DOK6: variants seen among roughly 807,000 people sequenced by gnomAD.
DOK6 encodes downstream of tyrosine kinase 6.
A neutral mutation model predicts 44.0 loss-of-function variants in DOK6; 22 were observed. The ratio of observed to expected loss-of-function variants is 0.50; its 90% CI spans 0.36 to 0.71. The LOEUF (loss-of-function observed/expected upper bound fraction) is 0.71. Among genes scored for constraint, DOK6 ranks in the 30% least tolerant of loss-of-function variants. DOK6 has a pLI of 0.00. For synonymous variants in DOK6, 166 were observed against 145.5 expected, an observed-to-expected ratio of 1.14 and a Z score of -1.01; for missense variants, 340 against 416.4, an observed-to-expected ratio of 0.82 and a Z score of 1.60.
intron 1 of DOK6, among the ~76,000 whole-genome samples, chr18:69,480,485 T>A (rs1980387494): frequency 6.6e-6 from 1 of 152,176 alleles, no homozygotes; most frequent in East Asian, 1.9e-4. Context: ...ATTTCTAAAA[T>A]ATACCTAAAA....
At chr18:69,780,298 A>G (rs1243068043) in intron 7 of DOK6, among the ~76,000 whole-genome samples, 2 of 152,104 alleles carry the variant, frequency 1.3e-5, no homozygotes, top group Non-Finnish European at 2.9e-5. Flanking sequence ...ATATTTTCCT[A>G]TTTGAAACAT....
chr18:69,523,873 A>C (rs879761297), intron 1 of DOK6, among the ~76,000 whole-genome samples: 4 of 152,038 alleles, frequency 2.6e-5, no homozygotes, highest in African/African-American at 4.8e-5. Context: ...CAGAGAATGC[A>C]TGAACATCAT....
intron 3 of DOK6, among the ~76,000 whole-genome samples, chr18:69,649,188 C>T (rs1985158423): frequency 6.6e-6 from 1 of 152,134 alleles, no homozygotes; most frequent in Non-Finnish European, 1.5e-5. Context: ...ATCACTAATC[C>T]AATTTAAAAG....
At position 69,413,726 on chromosome 18, in the gene DOK6, AAAAGG is replaced by A. The variant is rs535823515; in HGVS notation, c.66+12420_66+12424del. Among the ~76,000 whole-genome samples the A allele has an allele frequency of 2.7e-4, 41 of 152,146 alleles. 1 individual carries two copies. The South Asian group carries it at 5.0e-3, about 18-fold the overall frequency. Reference sequence around the variant, plus strand: ...ACTTGACAACAAAATCATGATCCATAAAAGGAAATATTGACAATTTCATCTTATTG... The same window carrying A: ...ACTTGACAACAAAATCATGATCCATAAAATATTGACAATTTCATCTTATTG... On this transcript the variant is annotated intron_variant, in intron 1 of 7. Coordinates refer to ENST00000382713, the MANE Select transcript of DOK6 (RefSeq NM_152721.6).
chr18:69,841,527 ACTGGAGTT>A lies in DOK6; in HGVS notation c.*148_*155del. The A allele has an allele frequency of 8.8e-7, 1 of 1,130,586 alleles. No homozygotes were observed. Among genetic ancestry groups the A allele is most frequent in the East Asian group, 2.6e-5 (1 of 38,186 alleles). The allele number at this position is 1,130,586 out of a possible 1,614,324, so 70.0% of individuals were successfully genotyped here. A position where few individuals can be genotyped will look rare whatever the true frequency, so the allele number is the denominator to read the frequency against. On this transcript the variant is annotated 3_prime_UTR_variant, in exon 8 of 8. Transcript: ENST00000382713. ...CCCCAGTCCCATTGGAAGGTTAAAA[ACTGGAGTT>A]CTGCTTCCTTGATTCAGTGGCTAAG...
chr18:69,716,527 C>T (rs192010339), intron 5 of DOK6, among the ~76,000 whole-genome samples: 1 of 152,094 alleles, frequency 6.6e-6, no homozygotes, highest in Admixed American at 6.6e-5. Context: ...TTCATTTGTA[C>T]AGGTTCTCTT....
At chr18:69,629,432 A>C (rs1984639314) in intron 3 of DOK6, among the ~76,000 whole-genome samples, 1 of 152,210 alleles carries the variant, frequency 6.6e-6, no homozygotes, top group Non-Finnish European at 1.5e-5. Flanking sequence ...ATGGTGTCTA[A>C]TTAAAAGAGC....
chr18:69,459,344 T>C (rs1979725847), intron 1 of DOK6, among the ~76,000 whole-genome samples: 1 of 152,056 alleles, frequency 6.6e-6, no homozygotes, highest in African/African-American at 2.4e-5. Flanking sequence ...TAATATTATG[T>C]GCTTGTTTCT....
chr18:69,817,872 A>C (rs1981446445), intron 7 of DOK6, among the ~76,000 whole-genome samples: 1 of 152,206 alleles, frequency 6.6e-6, no homozygotes, highest in African/African-American at 2.4e-5. Context: ...CATCTCAGAG[A>C]AACTGCCTGG....
chr18:69,489,625 A>G (rs1325835448), intron 1 of DOK6, among the ~76,000 whole-genome samples: 3 of 152,126 alleles, frequency 2.0e-5, no homozygotes, highest in African/African-American at 7.2e-5. Context: ...TTACTATTTT[A>G]CTTCATTTAG....
At chr18:69,692,113 C>T (rs180761604) in intron 4 of DOK6, among the ~76,000 whole-genome samples, 75 of 152,188 alleles carry the variant, frequency 4.9e-4, no homozygotes, top group African/African-American at 1.6e-3. Flanking sequence ...GGGGAGTCAC[C>T]GTGGAAAGAC....
intron 3 of DOK6, among the ~76,000 whole-genome samples, chr18:69,653,872 A>G (rs1985294947): frequency 6.6e-6 from 1 of 152,204 alleles, no homozygotes; most frequent in South Asian, 2.1e-4. Flanking sequence ...TGTTTCAAAC[A>G]AGCATTCAAT....
rs199902396 is a variant in DOK6, at chr18:69,809,604, GA to G, written c.857-31632del. On this transcript the variant is annotated intron_variant, in intron 7 of 7. Coordinates refer to ENST00000382713, the MANE Select transcript of DOK6 (RefSeq NM_152721.6). The stretch of plus-strand genomic sequence containing the variant: ...CACACACACACACACACAAAAGAAA[GA>G]AAAAAAACAGACAAAACTGTTAAAA... Among the ~76,000 whole-genome samples the G allele has an allele frequency of 1.6e-3, 215 of 130,472 alleles. 2 individuals are homozygous for G. The highest frequency in any genetic ancestry group is 2.5e-3 in the Non-Finnish European group (154 of 60,770). The allele number at this position is 130,472 out of a possible 152,430, so 85.6% of individuals were successfully genotyped here. A position where few individuals can be genotyped will look rare whatever the true frequency, so the allele number is the denominator to read the frequency against.
At chr18:69,789,523 T>A (rs557176990) in intron 7 of DOK6, among the ~76,000 whole-genome samples, 1 of 152,084 alleles carries the variant, frequency 6.6e-6, no homozygotes, top group African/African-American at 2.4e-5. Flanking sequence ...AAACTAAAAT[T>A]ATCTCTATAT....
At chr18:69,776,836 T>G (rs965400198) in intron 7 of DOK6, among the ~76,000 whole-genome samples, 7 of 151,978 alleles carry the variant, frequency 4.6e-5, no homozygotes, top group African/African-American at 1.7e-4. Context: ...TCTAAAGAAA[T>G]GTAGGCATGT....
chr18:69,461,272 C>T (rs965744209), intron 1 of DOK6, among the ~76,000 whole-genome samples: 13 of 152,130 alleles, frequency 8.5e-5, no homozygotes, highest in African/African-American at 2.9e-4. Flanking sequence ...AGAAATGCTT[C>T]CCAGAATTAC....
chr18:69,628,444 C>T (rs1401430572), intron 3 of DOK6, among the ~76,000 whole-genome samples: 3 of 152,034 alleles, frequency 2.0e-5, no homozygotes, highest in Admixed American at 6.6e-5. Flanking sequence ...GAGCCAAGAT[C>T]ACGCCACTGC....
At chr18:69,646,469 C>A (rs1985076602) in intron 3 of DOK6, among the ~76,000 whole-genome samples, 1 of 151,862 alleles carries the variant, frequency 6.6e-6, no homozygotes, top group Non-Finnish European at 1.5e-5. Context: ...TTTAAAATTT[C>A]TTGTTAGTAC....
intron 7 of DOK6, among the ~76,000 whole-genome samples, chr18:69,785,508 A>G (rs757259773): frequency 1.3e-5 from 2 of 152,204 alleles, no homozygotes; most frequent in Non-Finnish European, 2.9e-5. Context: ...AACATGAAAA[A>G]TATCGAAGAG....
Sources: allele counts gnomAD v4.1 joint callset (sites outside exome capture counted in the v4.1 genomes callset), GRCh38; gene constraint gnomAD v4.1.1; transcripts MANE v1.5; gene names NCBI Gene and HGNC (gene_info 2026-07-23, HGNC 2026-07-21).